RIMS1: variants seen among roughly 807,000 people sequenced by gnomAD.
RIMS1 encodes regulating synaptic membrane exocytosis protein 1.
Under a neutral mutation model 214.1 loss-of-function variants are expected in RIMS1, and 83 were observed. The observed-to-expected ratio is 0.39, with a 90% CI of 0.32 to 0.47. The LOEUF (loss-of-function observed/expected upper bound fraction) is 0.47. RIMS1 is among the 20% of genes least tolerant of loss of function. The pLI is 0.99. For synonymous variants in RIMS1, 793 were observed against 786.8 expected, an observed-to-expected ratio of 1.01 and a Z score of -0.13; for missense variants, 2,050 against 2,161.8, an observed-to-expected ratio of 0.95 and a Z score of 1.03.
chr6:72,286,238 T>C (rs915981085), intron 24 of RIMS1, among the ~76,000 whole-genome samples: 1 of 151,926 alleles, frequency 6.6e-6, no homozygotes, highest in African/African-American at 2.4e-5. Context: ...CTACTGTGTG[T>C]AGTTATATAT....
intron 29 of RIMS1, among the ~76,000 whole-genome samples, chr6:72,388,889 T>C (rs1273901674): frequency 6.6e-6 from 1 of 152,192 alleles, no homozygotes; most frequent in Non-Finnish European, 1.5e-5. Context: ...TATGTTAATG[T>C]TGAAGTGCCT....
chr6:72,099,957 T>A lies in RIMS1; in HGVS notation c.460-18T>A. 1 of 1,601,540 alleles carries A rather than the reference T, an allele frequency of 6.2e-7. No individual in the cohort carries two copies. The highest frequency in any genetic ancestry group is 8.6e-7 in the Non-Finnish European group (1 of 1,169,468). ...TGTCTTCTTTCTCTACTCTGCTTCC[T>A]TGGATGCTTTCCCAAAGGAGGACAA... On this transcript the variant is annotated intron_variant, in intron 3 of 33. Transcript: ENST00000521978.
At chr6:72,301,837 A>T (rs1278074686) in intron 26 of RIMS1, among the ~76,000 whole-genome samples, 1 of 151,624 alleles carries the variant, frequency 6.6e-6, no homozygotes, top group Non-Finnish European at 1.5e-5. Context: ...AATCCTGAAC[A>T]GATGTTTTTT....
chr6:72,118,814 G>T (rs1166303420), intron 4 of RIMS1, among the ~76,000 whole-genome samples: 7 of 151,320 alleles, frequency 4.6e-5, no homozygotes, highest in Non-Finnish European at 7.4e-5. Context: ...GTCATAAAAG[G>T]TACCTACTTC....
intron 4 of RIMS1, among the ~76,000 whole-genome samples, chr6:72,141,073 T>G (rs2042025905): frequency 6.6e-6 from 1 of 152,066 alleles, no homozygotes; most frequent in Non-Finnish European, 1.5e-5. Context: ...TGACTTCCAA[T>G]ATTTCCAACA....
chr6:72,245,687 T>C, intron 10 of RIMS1, 128 bp from the exon 11 acceptor site: 1 of 634,684 alleles, frequency 1.6e-6, no homozygotes, highest in South Asian at 2.3e-5. Context: ...GCCTTAATAG[T>C]AACTCCTATT....
At chr6:72,043,029 T>C (rs529298047) in intron 2 of RIMS1, among the ~76,000 whole-genome samples, 73 of 151,884 alleles carry the variant, frequency 4.8e-4, no homozygotes, top group African/African-American at 1.7e-3. Context: ...GAAAATGAAT[T>C]CCAACTTCTA....
chr6:72,109,678 G>T (rs891903080), intron 4 of RIMS1, among the ~76,000 whole-genome samples: 1 of 152,058 alleles, frequency 6.6e-6, no homozygotes, highest in African/African-American at 2.4e-5. Context: ...GGTAGTTCCT[G>T]TTGCTGTGCA....
At chr6:72,318,937 T>A (rs753067124) in intron 28 of RIMS1, among the ~76,000 whole-genome samples, 13 of 152,212 alleles carry the variant, frequency 8.5e-5, no homozygotes, top group Admixed American at 3.3e-4. Flanking sequence ...ACTAGGCATT[T>A]GGAAGTGAAA....
At chr6:71,978,258 A>T (rs1797649549) in intron 2 of RIMS1, among the ~76,000 whole-genome samples, 1 of 152,180 alleles carries the variant, frequency 6.6e-6, no homozygotes, top group African/African-American at 2.4e-5. Flanking sequence ...ATTGTATCTT[A>T]AATGGTATCT....
chr6:72,310,574 GAA>G (rs1484381736), intron 27 of RIMS1, among the ~76,000 whole-genome samples: 1 of 151,984 alleles, frequency 6.6e-6, no homozygotes, highest in Non-Finnish European at 1.5e-5. Context: ...GTAGGTAGCT[GAA>G]GAGTGTTTAT....
intron 1 of RIMS1, among the ~76,000 whole-genome samples, chr6:71,933,795 AAC>A (rs1294204714): frequency 1.3e-5 from 2 of 152,068 alleles, no homozygotes; most frequent in Admixed American, 1.3e-4. Context: ...TTTCCATTCT[AAC>A]ACAGTCGTTC....
chr6:72,063,924 A>G (rs1191574111), intron 2 of RIMS1, among the ~76,000 whole-genome samples: 2 of 151,678 alleles, frequency 1.3e-5, no homozygotes, highest in African/African-American at 2.4e-5. Context: ...GTAGATCACT[A>G]TCTTTTCCCT....
chr6:72,073,057 T>G (rs1011929332), intron 2 of RIMS1, among the ~76,000 whole-genome samples: 1 of 152,182 alleles, frequency 6.6e-6, no homozygotes, highest in African/African-American at 2.4e-5. Flanking sequence ...CTCTTGGGGT[T>G]TTCAGAAGGG....
intron 1 of RIMS1, among the ~76,000 whole-genome samples, chr6:71,913,344 G>A (rs1039308933): frequency 2.0e-5 from 3 of 152,118 alleles, no homozygotes; most frequent in African/African-American, 7.2e-5. Flanking sequence ...TGAAGGGACG[G>A]TTACTTGGTA....
At chr6:72,309,486 G>A (rs1592897238) in intron 27 of RIMS1, among the ~76,000 whole-genome samples, 1 of 152,090 alleles carries the variant, frequency 6.6e-6, no homozygotes, top group Middle Eastern at 3.4e-3. Context: ...GTATGACTTT[G>A]TTCTACTTAC....
intron 4 of RIMS1, among the ~76,000 whole-genome samples, chr6:72,127,924 T>G (rs2039842752): frequency 6.6e-6 from 1 of 152,192 alleles, no homozygotes; most frequent in Non-Finnish European, 1.5e-5. Flanking sequence ...TAAAAATAAC[T>G]AATCCTCTAG....
intron 23 of RIMS1, among the ~76,000 whole-genome samples, chr6:72,283,808 T>C (rs2091284802): frequency 6.6e-6 from 1 of 152,320 alleles, no homozygotes; most frequent in South Asian, 2.1e-4. Flanking sequence ...ACTAATGAAA[T>C]GTCAGCTTCT....
intron 27 of RIMS1, among the ~76,000 whole-genome samples, chr6:72,313,027 G>T (rs192024690): frequency 1.3e-5 from 2 of 152,080 alleles, no homozygotes; most frequent in African/African-American, 4.8e-5. Context: ...GTTCCACTGA[G>T]CATTTCTTTT....
Sources: allele counts gnomAD v4.1 joint callset (sites outside exome capture counted in the v4.1 genomes callset), GRCh38; gene constraint gnomAD v4.1.1; transcripts MANE v1.5; gene names NCBI Gene and HGNC (gene_info 2026-07-23, HGNC 2026-07-21).